The following ZBTB46 variants were observed in gnomAD, a reference collection of about 807,000 sequenced individuals.
ZBTB46 encodes zinc finger and BTB domain-containing protein 46.
Under a neutral mutation model 44.1 loss-of-function variants are expected in ZBTB46, and 8 were observed. The observed-to-expected ratio is 0.18, with a 90% CI of 0.11 to 0.33. The LOEUF is 0.33. Ranked by LOEUF, ZBTB46 falls within the 10% of genes least tolerant of loss-of-function variation. ZBTB46 has a pLI of 1.00. For missense variants in ZBTB46, 651 were observed against 847.7 expected (o/e 0.77, Z 2.88); for synonymous variants, 409 against 382.3 (o/e 1.07, Z -0.81).
At chr20:63,832,676 G>A (rs1485990403), upstream of ZBTB46, among the ~76,000 whole-genome samples, 2 of 152,048 alleles carry the variant, frequency 1.3e-5, no homozygotes, top group Non-Finnish European at 2.9e-5. The surrounding 1 kb of genome is among the most constrained non-coding windows in gnomAD (Gnocchi z 5.0). Flanking sequence ...CGCCAAGGTC[G>A]CCGGGATGGC....
upstream of ZBTB46, among the ~76,000 whole-genome samples, chr20:63,831,457 G>T (rs1168481367): frequency 6.9e-6 from 1 of 144,496 alleles, no homozygotes; most frequent in Non-Finnish European, 1.5e-5. Flanking sequence ...CTCGGCTCCC[G>T]GCGCCGCGCC....
rs372193726 is a variant in ZBTB46, at chr20:63,790,097, C to T, written c.661G>A (p.Val221Met). The T allele has an allele frequency of 1.2e-5, 20 of 1,613,924 alleles. No individual in the cohort carries two copies. Among genetic ancestry groups the T allele is most frequent in the African/African-American group, 1.2e-4 (9 of 74,952 alleles). ...TTGATGCGCAGAGGCCCGTAGCCCA[C>T]GTCTCCAGGCCATAGAGGCTGTGAA... The part of the protein sequence containing the change: ...VSSQPLWPGD[V>M]GYGPLRIKEE... The change falls in exon 2 of 5, where the codon GTG (valine) becomes ATG (methionine). Residue 221 changes from valine (V) to methionine (M), a missense_variant. Around this residue, in one of 5 missense-constraint regions of ZBTB46, gnomAD observed 385 missense variants for 423.3 expected, o/e 0.91. Transcript: ENST00000245663.
intron 1 of ZBTB46, among the ~76,000 whole-genome samples, chr20:63,823,934 C>T (rs2092806552): frequency 6.7e-6 from 1 of 148,670 alleles, no homozygotes; most frequent in Non-Finnish European, 1.5e-5. Flanking sequence ...GAAATGTAAA[C>T]CGTTGAATGG....
intron 1 of ZBTB46, among the ~76,000 whole-genome samples, chr20:63,815,848 GAGTGCA>G (rs1185766629): frequency 1.7e-4 from 18 of 102,956 alleles, no homozygotes; most frequent in African/African-American, 6.3e-4. Context: ...CAGGTGCAGT[GAGTGCA>G]GGTGCAGGTG....
At chr20:63,760,752 A>T (rs1161851602) in intron 3 of ZBTB46, among the ~76,000 whole-genome samples, 3 of 137,176 alleles carry the variant, frequency 2.2e-5, no homozygotes, top group Non-Finnish European at 5.1e-5. Flanking sequence ...CCACCGCGCC[A>T]GGCCGAGTTA....
intron 1 of ZBTB46, among the ~76,000 whole-genome samples, chr20:63,827,856 A>C (rs538788891): frequency 4.6e-5 from 7 of 152,358 alleles, no homozygotes; most frequent in African/African-American, 1.4e-4. Flanking sequence ...TACTTAGGTC[A>C]AATTTCACTG....
intron 1 of ZBTB46, among the ~76,000 whole-genome samples, chr20:63,808,760 G>A (rs985666717): frequency 2.0e-5 from 3 of 152,044 alleles, no homozygotes; most frequent in Admixed American, 6.6e-5. Flanking sequence ...GGATGGTGAG[G>A]TCAGGAGATC....
rs1210637709 is a variant in ZBTB46, at chr20:63,761,242, A to C, written c.1223-8381T>G. Among the ~76,000 whole-genome samples, 85 of 133,284 alleles carry C rather than the reference A, an allele frequency of 6.4e-4. 2 individuals are homozygous for C. The highest frequency in any genetic ancestry group is 1.1e-3 in the Non-Finnish European group (62 of 57,704). 87.4% of individuals were successfully genotyped at this position (133,284 alleles called of 152,430 possible). Reference sequence around the variant, plus strand: ...TCGAACTCCTGACCTCAAGTGATTGACGCACTTCAGCCTCCCAAAGTGCTG... The same window carrying C: ...TCGAACTCCTGACCTCAAGTGATTGCCGCACTTCAGCCTCCCAAAGTGCTG... On this transcript the variant is annotated intron_variant, in intron 3 of 4. Coordinates refer to ENST00000245663, the MANE Select transcript of ZBTB46 (RefSeq NM_001369741.1).
At chr20:63,807,172 G>A (rs1353881750) in intron 1 of ZBTB46, among the ~76,000 whole-genome samples, 1 of 152,082 alleles carries the variant, frequency 6.6e-6, no homozygotes, top group African/African-American at 2.4e-5. Context: ...AGACAGAGAT[G>A]GACTTTTCTT....
chr20:63,822,043 CT>C (rs1438338440), intron 1 of ZBTB46, among the ~76,000 whole-genome samples: 2 of 152,210 alleles, frequency 1.3e-5, no homozygotes, highest in African/African-American at 4.8e-5. Flanking sequence ...TTAACTTCCC[CT>C]ATCTAAGAAG....
rs925371590 is a variant in ZBTB46, at chr20:63,787,332, G to A, written c.937+2489C>T. On this transcript the variant is annotated intron_variant, in intron 2 of 4. Coordinates refer to ENST00000245663, the MANE Select transcript of ZBTB46 (RefSeq NM_001369741.1). This position sits in a 1 kb window ranked among gnomAD's most constrained non-coding sequence, Gnocchi z 4.6. ...ATCCTAGCACAACTTTAAAAAATCA[G>A]TTTAGTGTAGGCCACGCCAAGTGTT... Among the ~76,000 whole-genome samples the A allele has an allele frequency of 1.3e-5, 2 of 152,160 alleles. No homozygotes were observed. The highest frequency in any genetic ancestry group is 2.9e-5 in the Non-Finnish European group (2 of 68,034).
rs532512680 is a variant in ZBTB46, at chr20:63,764,149, T to A, written c.1223-11288A>T. Among the ~76,000 whole-genome samples, 8 of 151,932 alleles carry A rather than the reference T, an allele frequency of 5.3e-5. No homozygotes were observed. The South Asian group carries it at 1.0e-3, about 20-fold the overall frequency. ...ACACCCAGCTAATTAAAAAAAAAAATTTATAGGCCAAGCACGGTGGCTCAT... is the reference window on the plus strand; with the variant it reads ...ACACCCAGCTAATTAAAAAAAAAAAATTATAGGCCAAGCACGGTGGCTCAT... On this transcript the variant is annotated intron_variant, in intron 3 of 4. Coordinates refer to ENST00000245663, the MANE Select transcript of ZBTB46 (RefSeq NM_001369741.1).
chr20:63,801,876 G>C (rs149794835), intron 1 of ZBTB46, among the ~76,000 whole-genome samples: 2 of 152,184 alleles, frequency 1.3e-5, no homozygotes, highest in Non-Finnish European at 2.9e-5. Context: ...CCAAGAGTTC[G>C]AGCTCATCAG....
chr20:63,786,785 C>T (rs985883090), intron 2 of ZBTB46, among the ~76,000 whole-genome samples: 1 of 152,186 alleles, frequency 6.6e-6, no homozygotes, highest in African/African-American at 2.4e-5. Flanking sequence ...GCTGGAATTA[C>T]AGGCGTGAGC....
intron 1 of ZBTB46, among the ~76,000 whole-genome samples, chr20:63,800,460 C>G (rs560081321): frequency 6.6e-6 from 1 of 152,378 alleles, no homozygotes; most frequent in East Asian, 1.9e-4. Flanking sequence ...CCCACTCTGG[C>G]TGCACTTGAG....
chr20:63,757,686 G>A (rs566241392), intron 3 of ZBTB46, among the ~76,000 whole-genome samples: 1 of 152,262 alleles, frequency 6.6e-6, no homozygotes, highest in South Asian at 2.1e-4. Flanking sequence ...TTTATTTCCA[G>A]GTTTCTGATG....
At chr20:63,756,648 C>A (rs766803383) in intron 3 of ZBTB46, among the ~76,000 whole-genome samples, 7 of 152,238 alleles carry the variant, frequency 4.6e-5, no homozygotes, top group Non-Finnish European at 8.8e-5. Flanking sequence ...CATCGCCAAA[C>A]AGGCACTGCG....
chr20:63,792,715 A>G (rs966746820), intron 1 of ZBTB46, among the ~76,000 whole-genome samples: 8 of 152,006 alleles, frequency 5.3e-5, no homozygotes, highest in African/African-American at 1.7e-4. Flanking sequence ...ATGGGGTTTC[A>G]CCATTTTGGC....
At position 63,752,938 on chromosome 20, in the gene ZBTB46, G is replaced by A. The variant is rs532359993; in HGVS notation, c.1223-77C>T. The A allele has an allele frequency of 6.1e-5, 89 of 1,470,600 alleles. No individual in the cohort carries two copies. The East Asian group carries it at 1.1e-3, about 19-fold the overall frequency. 91.1% of individuals were successfully genotyped at this position (1,470,600 alleles called of 1,614,324 possible). A position where few individuals can be genotyped will look rare whatever the true frequency, so the allele number is the denominator to read the frequency against. On this transcript the variant is annotated intron_variant, in intron 3 of 4. Coordinates refer to ENST00000245663, the MANE Select transcript of ZBTB46 (RefSeq NM_001369741.1). This position sits in a 1 kb window ranked among gnomAD's most constrained non-coding sequence, Gnocchi z 5.6. ...TGCGGCCCACAGACCACGGCTGCAC[G>A]CCGCAGCCCAGCAGCCAGGACGGGC... is the stretch of plus-strand genomic sequence containing the variant.
Sources: gnomAD v4.1 joint callset for allele counts (sites outside exome capture counted in the v4.1 genomes callset) on GRCh38, gnomAD v4.1.1 for gene constraint, gnomAD v4.1.1 regional missense constraint, Gnocchi (gnomAD v3.1) non-coding constraint, MANE v1.5 for transcripts, NCBI Gene and HGNC (gene_info 2026-07-23, HGNC 2026-07-21) for gene names.